The following RBFOX1 variants were observed in gnomAD, a reference collection of about 807,000 sequenced individuals.
RBFOX1 encodes RNA binding fox-1 homolog 1.
A neutral mutation model predicts 57.7 loss-of-function variants in RBFOX1; 8 were observed. That is an observed-to-expected ratio of 0.14 (90% CI 0.08 to 0.25). The LOEUF (loss-of-function observed/expected upper bound fraction) is 0.25. RBFOX1 is among the 10% of genes least tolerant of loss of function. The pLI is 1.00. For missense variants in RBFOX1, 611 were observed against 548.5 expected (o/e 1.11, Z -1.14); for synonymous variants, 326 against 222.4 (o/e 1.47, Z -4.15).
At chr16:6,726,502 A>G (rs975937695) in intron 3 of RBFOX1, among the ~76,000 whole-genome samples, 10 of 151,992 alleles carry the variant, frequency 6.6e-5, no homozygotes, top group African/African-American at 1.7e-4. Context: ...CTATCACTAG[A>G]TAAACTGAAA....
At chr16:7,146,140 A>C (rs1247377786) in intron 4 of RBFOX1, among the ~76,000 whole-genome samples, 2 of 152,202 alleles carry the variant, frequency 1.3e-5, no homozygotes, top group African/African-American at 4.8e-5. Flanking sequence ...AGGGATGAGC[A>C]ATGGCACAGT....
chr16:6,024,932 A>C (rs929441222), intron 1 of RBFOX1, among the ~76,000 whole-genome samples: 3 of 152,322 alleles, frequency 2.0e-5, no homozygotes, highest in African/African-American at 7.2e-5. Flanking sequence ...AGTTGTCTGC[A>C]TGGAGGGCGT....
intron 3 of RBFOX1, among the ~76,000 whole-genome samples, chr16:6,685,790 A>G (rs1264505947): frequency 6.6e-6 from 1 of 152,156 alleles, no homozygotes; most frequent in Non-Finnish European, 1.5e-5. Context: ...AAATTTTAAC[A>G]AACAGCCTTC....
At chr16:6,727,022 G>T (rs146458334) in intron 3 of RBFOX1, among the ~76,000 whole-genome samples, 1 of 136,058 alleles carries the variant, frequency 7.3e-6, no homozygotes, top group African/African-American at 2.8e-5. Context: ...CGATGAGAGC[G>T]CCTCATGACC....
chr16:6,941,342 C>A (rs1387863161), intron 3 of RBFOX1, among the ~76,000 whole-genome samples: 3 of 142,248 alleles, frequency 2.1e-5, no homozygotes, highest in African/African-American at 7.8e-5. Flanking sequence ...TTCCTTCCTT[C>A]CTTCCTTCCT....
At chr16:6,450,347 T>A (rs934166219) in intron 2 of RBFOX1, among the ~76,000 whole-genome samples, 1 of 152,150 alleles carries the variant, frequency 6.6e-6, no homozygotes, top group Non-Finnish European at 1.5e-5. Context: ...AAATTGTCAC[T>A]ATCCTGCTTG....
intron 1 of RBFOX1, chr16:5,240,144 G>GCGCGGGGGTGCCGGAGA (rs775436740): frequency 7.5e-7 from 1 of 1,337,164 alleles, no homozygotes; most frequent in East Asian, 2.5e-5. Flanking sequence ...GGTGCCGGGG[G>GCGCGGGGGTGCCGGAGA]CGCGGGGGTG....
At chr16:7,670,917 A>C (rs141520676) in intron 13 of RBFOX1, among the ~76,000 whole-genome samples, 3 of 152,332 alleles carry the variant, frequency 2.0e-5, no homozygotes, top group Non-Finnish European at 4.4e-5. Context: ...TGCCAGTGCT[A>C]GATTTGTATG....
chr16:6,930,619 A>C (rs1281451654), intron 3 of RBFOX1, among the ~76,000 whole-genome samples: 1 of 152,140 alleles, frequency 6.6e-6, no homozygotes, highest in Non-Finnish European at 1.5e-5. Context: ...CATGTTGGCC[A>C]GGCTGGTCTT....
intron 4 of RBFOX1, among the ~76,000 whole-genome samples, chr16:7,461,093 C>T (rs1245895198): frequency 6.6e-6 from 1 of 152,114 alleles, no homozygotes; most frequent in East Asian, 1.9e-4. Context: ...ATAACTGATA[C>T]AGCTGACAAC....
chr16:5,542,775 G>C (rs1377692192), intron 2 of RBFOX1, among the ~76,000 whole-genome samples: 1 of 152,098 alleles, frequency 6.6e-6, no homozygotes, highest in Non-Finnish European at 1.5e-5. Flanking sequence ...TTCTTTGTAG[G>C]TTCTATGATT....
At chr16:7,007,120 C>T (rs1050682655) in intron 3 of RBFOX1, among the ~76,000 whole-genome samples, 2 of 152,154 alleles carry the variant, frequency 1.3e-5, no homozygotes, top group Admixed American at 6.5e-5. Flanking sequence ...GATAAGGAGG[C>T]TCTGGGAAGA....
intron 5 of RBFOX1, among the ~76,000 whole-genome samples, chr16:7,570,802 C>T (rs948788759): frequency 1.3e-5 from 2 of 152,186 alleles, no homozygotes; most frequent in Non-Finnish European, 2.9e-5. Flanking sequence ...TTCACTGCAG[C>T]ACTATTCACA....
chr16:7,373,456 C>A (rs964917267), intron 4 of RBFOX1, among the ~76,000 whole-genome samples: 3 of 152,166 alleles, frequency 2.0e-5, no homozygotes, highest in African/African-American at 7.2e-5. Flanking sequence ...TGTGAGACCA[C>A]TAAGTGATGT....
At chr16:7,582,239 T>C (rs1198883810) in intron 6 of RBFOX1, among the ~76,000 whole-genome samples, 1 of 152,206 alleles carries the variant, frequency 6.6e-6, no homozygotes, top group Non-Finnish European at 1.5e-5. Flanking sequence ...GGCAAGATGA[T>C]AGATACACTT....
At chr16:6,871,151 A>T (rs1481810858) in intron 3 of RBFOX1, among the ~76,000 whole-genome samples, 1 of 152,218 alleles carries the variant, frequency 6.6e-6, no homozygotes, top group African/African-American at 2.4e-5. Context: ...GTTTTTGAAT[A>T]AACCAACTGA....
chr16:6,256,021 T>C (rs1313808960), intron 1 of RBFOX1, among the ~76,000 whole-genome samples: 1 of 150,664 alleles, frequency 6.6e-6, no homozygotes, highest in Non-Finnish European at 1.5e-5. Context: ...ACCTGCACAT[T>C]CTGCATGTGT....
intron 4 of RBFOX1, among the ~76,000 whole-genome samples, chr16:7,135,323 G>C (rs967784946): frequency 1.3e-5 from 2 of 152,210 alleles, no homozygotes; most frequent in Non-Finnish European, 2.9e-5. Context: ...TTGTTTGCAA[G>C]AGGAAATTTG....
intron 3 of RBFOX1, among the ~76,000 whole-genome samples, chr16:6,810,279 G>C (rs1040878737): frequency 6.6e-6 from 1 of 151,920 alleles, no homozygotes; most frequent in East Asian, 1.9e-4. Flanking sequence ...GATTCAAATT[G>C]GTCTGTCACT....
Sources: allele counts gnomAD v4.1 joint callset (sites outside exome capture counted in the v4.1 genomes callset), GRCh38; gene constraint gnomAD v4.1.1; transcripts MANE v1.5; gene names NCBI Gene and HGNC (gene_info 2026-07-23, HGNC 2026-07-21).